The following MS4A6E variants were observed in gnomAD, a reference collection of about 807,000 sequenced individuals.
The protein encoded by MS4A6E is membrane spanning 4-domains A6E, also known as membrane-spanning 4-domains subfamily A member 6E.
In MS4A6E, 8 loss-of-function variants were observed where a neutral mutation model predicts 13.2. The observed-to-expected ratio is 0.60, with a 90% CI of 0.35 to 1.09. The LOEUF is 1.09. Among genes scored for constraint, MS4A6E ranks in the 50% least tolerant of loss-of-function variants. The pLI is 0.02. For missense variants in MS4A6E, 177 were observed against 171.1 expected (o/e 1.03, Z -0.19); for synonymous variants, 72 against 67.6 (o/e 1.06, Z -0.32).
chr11:60,332,125 A>G (rs917253198), intron 1 of MS4A6E, among the ~76,000 whole-genome samples: 4 of 152,218 alleles, frequency 2.6e-5, no homozygotes, highest in Non-Finnish European at 4.4e-5. Flanking sequence ...TTCATAACTA[A>G]AAAGGAATCA....
chr11:60,335,018 A>G lies in MS4A6E; in HGVS notation c.123A>G (p.Leu41=). ...GGCAGGATAGCCTGAAGAAACGTCT[A>G]CAGGCAAAAGTCAAAGTTATTGGGG... ...NQGQDSLKKR[L]QAKVKVIGVH... The change falls in exon 2 of 5, where the codon CTA becomes CTG. Residue 41 remains leucine (L), a synonymous_variant. Transcript: ENST00000684409. 6.2e-7 allele frequency: 1 copy of G among 1,614,196 alleles called. No homozygotes were observed. Among genetic ancestry groups the G allele is most frequent in the Non-Finnish European group, 8.5e-7 (1 of 1,180,016 alleles).
chr11:60,340,918 G>T lies in MS4A6E; in HGVS notation c.*152G>T, dbSNP rs2085221051. On this transcript the variant is annotated 3_prime_UTR_variant, in exon 5 of 5. Coordinates refer to ENST00000684409, the MANE Select transcript of MS4A6E (RefSeq NM_139249.4). Reference sequence around the variant, plus strand: ...AACCATTATAAAAAAGCAAACTTGAGTTTCCTAAATGTAAGCATTTAAAGT... The same window carrying T: ...AACCATTATAAAAAAGCAAACTTGATTTTCCTAAATGTAAGCATTTAAAGT... 1 of 153,294 alleles carries T rather than the reference G, an allele frequency of 6.5e-6. No individual in the cohort carries two copies. The highest frequency in any genetic ancestry group is 1.9e-4 in the East Asian group (1 of 5,240). 9.5% of individuals were successfully genotyped at this position (153,294 alleles called of 1,614,324 possible).
At chr11:60,330,711 T>C (rs1295860285) in intron 1 of MS4A6E, among the ~76,000 whole-genome samples, 2 of 152,302 alleles carry the variant, frequency 1.3e-5, no homozygotes, top group East Asian at 3.9e-4. Context: ...TCCTGAATGG[T>C]ATTGCCTAGG....
At chr11:60,349,041 A>C (rs2085268012) in intron 4 of MS4A6E, among the ~76,000 whole-genome samples, 1 of 152,258 alleles carries the variant, frequency 6.6e-6, no homozygotes, top group African/African-American at 2.4e-5. Context: ...TGGATAAAAA[A>C]GTGCAATAAA....
chr11:60,338,728 T>G (rs1403851818), intron 3 of MS4A6E: 2 of 152,194 alleles, frequency 1.3e-5, no homozygotes, highest in Non-Finnish European at 1.5e-5. Flanking sequence ...GTAAAGAAGT[T>G]GCAGAATATT....
chr11:60,332,460 T>C (rs2085163112), intron 1 of MS4A6E, among the ~76,000 whole-genome samples: 1 of 152,226 alleles, frequency 6.6e-6, no homozygotes, highest in Non-Finnish European at 1.5e-5. Flanking sequence ...TGAGTTTTTG[T>C]TTCTCAGCTA....
chr11:60,340,162 G>T (rs2085215196), intron 4 of MS4A6E, among the ~76,000 whole-genome samples, 198 bp downstream of exon 4: 1 of 152,190 alleles, frequency 6.6e-6, no homozygotes, highest in South Asian at 2.1e-4. Flanking sequence ...GAGTTCACTG[G>T]ATATGAAAAT....
intron 4 of MS4A6E, among the ~76,000 whole-genome samples, chr11:60,346,505 A>G (rs1055797036): frequency 3.3e-5 from 5 of 152,190 alleles, no homozygotes; most frequent in Non-Finnish European, 7.4e-5. Context: ...CCTTGACTGA[A>G]TAAGGGGATA....
chr11:60,336,673 C>T (rs571635515), intron 2 of MS4A6E, among the ~76,000 whole-genome samples: 202 of 152,292 alleles, frequency 1.3e-3, no homozygotes, highest in African/African-American at 4.5e-3. Context: ...GTGTACACTT[C>T]AGTCATTATG....
At chr11:60,338,278 C>A (rs2085201947) in intron 3 of MS4A6E, among the ~76,000 whole-genome samples, 1 of 152,102 alleles carries the variant, frequency 6.6e-6, no homozygotes, top group Non-Finnish European at 1.5e-5. Context: ...GTGGTGAATT[C>A]AGATTGGCAA....
intron 1 of MS4A6E, among the ~76,000 whole-genome samples, chr11:60,334,261 A>G (rs967633253): frequency 1.3e-5 from 2 of 152,158 alleles, no homozygotes; most frequent in African/African-American, 4.8e-5. Context: ...CAGACAAGAA[A>G]CAAGCAAACC....
chr11:60,339,291 TAAAC>T (rs1205936442), intron 3 of MS4A6E, among the ~76,000 whole-genome samples: 1 of 151,984 alleles, frequency 6.6e-6, no homozygotes, highest in African/African-American at 2.4e-5. Flanking sequence ...AAATAAAAAA[TAAAC>T]AACAAAAATA....
At chr11:60,330,519 T>C (rs1445766196) in intron 1 of MS4A6E, among the ~76,000 whole-genome samples, 3 of 151,806 alleles carry the variant, frequency 2.0e-5, no homozygotes, top group African/African-American at 7.3e-5. Context: ...TTCTTTTGTA[T>C]TTTTAGTAGA....
At chr11:60,337,635 C>T (rs2085195576) in intron 2 of MS4A6E, 106 bp from the exon 3 acceptor site, 2 of 1,399,320 alleles carry the variant, frequency 1.4e-6, no homozygotes, top group African/African-American at 1.4e-5. Flanking sequence ...TCCGGGACTT[C>T]CTGAGGGAGA....
At chr11:60,348,282 C>A (rs1279512063) in intron 4 of MS4A6E, among the ~76,000 whole-genome samples, 5 of 152,018 alleles carry the variant, frequency 3.3e-5, no homozygotes, top group African/African-American at 9.7e-5. Context: ...GACAATGTGC[C>A]CAGTGAGAGG....
At chr11:60,338,718 G>C (rs1050327262) in intron 3 of MS4A6E, 21 of 152,202 alleles carry the variant, frequency 1.4e-4, no homozygotes, top group African/African-American at 5.1e-4. Context: ...CAACATAAAA[G>C]TAAAGAAGTT....
chr11:60,334,200 A>C (rs2085174427), intron 1 of MS4A6E, among the ~76,000 whole-genome samples: 1 of 152,108 alleles, frequency 6.6e-6, no homozygotes, highest in Admixed American at 6.5e-5. Flanking sequence ...AGCACTAGGG[A>C]GATTGTAGTA....
At chr11:60,341,960 C>A (rs574979807), downstream of MS4A6E, among the ~76,000 whole-genome samples, 1 of 151,956 alleles carries the variant, frequency 6.6e-6, no homozygotes, top group East Asian at 1.9e-4. Context: ...CCAGGGCTAC[C>A]AAAGTGAATA....
At chr11:60,329,220 A>T (rs1431480472) in intron 1 of MS4A6E, among the ~76,000 whole-genome samples, 1 of 144,942 alleles carries the variant, frequency 6.9e-6, no homozygotes, top group Non-Finnish European at 1.5e-5. Flanking sequence ...TTCAATTCCC[A>T]CTTATGAGTG....
Sources: allele counts gnomAD v4.1 joint callset (sites outside exome capture counted in the v4.1 genomes callset), GRCh38; gene constraint gnomAD v4.1.1; transcripts MANE v1.5; gene names NCBI Gene and HGNC (gene_info 2026-07-23, HGNC 2026-07-21).